Variants in REC8 observed in about 807,000 individuals in gnomAD.
The protein encoded by REC8 is meiotic recombination protein REC8 homolog.
A neutral mutation model predicts 78.3 loss-of-function variants in REC8; 42 were observed. The observed-to-expected ratio is 0.54, with a 90% CI of 0.42 to 0.69. The LOEUF is 0.69. Ranked by LOEUF, REC8 falls within the 30% of genes least tolerant of loss-of-function variation. The pLI is 0.00. For synonymous variants in REC8, 268 were observed against 274.1 expected (o/e 0.98, Z 0.22); for missense variants, 581 against 715.8 (o/e 0.81, Z 2.15).
chr14:24,176,789 G>A (rs773176727), intron 6 of REC8, 33 bp from the exon 7 acceptor site: 8 of 1,531,614 alleles, frequency 5.2e-6, no homozygotes, highest in South Asian at 1.1e-5. Flanking sequence ...TTGGAAAGAA[G>A]CAGAGAGGCT....
In REC8 at chr14:24,175,567, A is replaced by G. The variant is rs2038854281; in HGVS notation, c.487A>G (p.Ile163Val). Residue 163 changes from isoleucine (I) to valine (V), a missense_variant, in exon 6 of 19, where the codon ATC becomes GTC. Transcript: ENST00000611366. The stretch of plus-strand genomic sequence containing the variant: ...GATTCGACACCTCTTAGAGGCTGCA[A>G]TCCCAGAGAGAGTTGAAGAGATCCC... ...PQIRHLLEAA[I>V]PERVEEIPPE... 6.2e-7 allele frequency: 1 copy of G among 1,614,064 alleles called. No individual in the cohort carries two copies. The highest frequency in any genetic ancestry group is 8.5e-7 in the Non-Finnish European group (1 of 1,179,958).
chr14:24,173,079 C>T, intron 3 of REC8, 38 bp downstream of exon 3: 1 of 1,612,028 alleles, frequency 6.2e-7, no homozygotes, highest in Non-Finnish European at 8.5e-7. Flanking sequence ...GCGGGCTGAG[C>T]AGCTGTCTGC....
chr14:24,178,013 C>T, intron 11 of REC8, 78 bp from the exon 12 acceptor site: 15 of 1,549,340 alleles, frequency 9.7e-6, no homozygotes, highest in Non-Finnish European at 1.3e-5. Context: ...GGTGTGGGGT[C>T]CTGTTAGCAG....
At chr14:24,180,720 G>A (rs367762715), downstream of REC8, 6 of 1,614,118 alleles carry the variant, frequency 3.7e-6, no homozygotes, top group Middle Eastern at 5.0e-4. Flanking sequence ...CCAGAATGAG[G>A]CTGCAGATAC....
At chr14:24,179,350 A>G (rs767470197) in intron 15 of REC8, 47 bp from the exon 16 acceptor site, 1 of 1,603,254 alleles carries the variant, frequency 6.2e-7, no homozygotes, top group East Asian at 2.2e-5. Context: ...CAAGGCCCTA[A>G]CTGCCACCCA....
In REC8 at chr14:24,178,129, T is replaced by C. The variant is rs1305111866; in HGVS notation, c.903T>C (p.Arg301=). Residue 301 remains arginine (R), a synonymous_variant, in exon 12 of 19, where the codon CGT becomes CGC. Transcript: ENST00000611366. Reference sequence around the variant, plus strand: ...TCCCCCCACCTCCTCGCCGCCGCCGTCGTCGCCGGTTACTGTTCTGGGACA... The same window carrying C: ...TCCCCCCACCTCCTCGCCGCCGCCGCCGTCGCCGGTTACTGTTCTGGGACA... The part of the protein sequence containing the change: ...PPVPPPPRRR[R]RRRLLFWDKE... 1.2e-6 allele frequency: 2 copies of C among 1,613,818 alleles called. No individual in the cohort carries two copies. The highest frequency in any genetic ancestry group is 1.7e-5 in the Admixed American group (1 of 60,004).
Position 24,177,356 on chromosome 14 carries a change from C to T in REC8, c.710C>T (p.Pro237Leu), listed in dbSNP as rs200534101. The change falls in exon 9 of 19, where the codon CCG (proline) becomes CTG (leucine). Residue 237 changes from proline (P) to leucine (L), a missense_variant. Coordinates refer to ENST00000611366, the MANE Select transcript of REC8 (RefSeq NM_001048205.2). The part of the protein sequence containing the change: ...EEEEAILLEI[P>L]RLPPPAPAEV... ...AACTCTGATTCTCTCTCCACAGTCC[C>T]GCGGCTCCCACCTCCAGCTCCTGCA... The T allele has an allele frequency of 9.5e-5, 153 of 1,614,038 alleles. No individual in the cohort carries two copies. The highest frequency in any genetic ancestry group is 1.6e-4 in the Middle Eastern group (1 of 6,084).
intron 5 of REC8, chr14:24,175,186 A>G (rs2038835802): frequency 5.9e-6 from 1 of 168,734 alleles, no homozygotes; most frequent in African/African-American, 2.4e-5. Context: ...TTGTATTTTT[A>G]GTAGAAATCA....
Position 24,177,555 on chromosome 14 carries a change from A to G in REC8, c.814+14A>G. The G allele has an allele frequency of 6.2e-7, 1 of 1,609,752 alleles. No homozygotes were observed. Among genetic ancestry groups the G allele is most frequent in the South Asian group, 1.1e-5 (1 of 90,784 alleles). ...CCCTACTCATGGGTGAGTGCCCACC[A>G]TGCCCCAGGGGCTTTTCTGGGAGTA... On this transcript the variant is annotated intron_variant, in intron 10 of 18. Transcript: ENST00000611366.
Position 24,180,107 on chromosome 14 carries a change from A to G in REC8, c.*12A>G. 2.5e-6 allele frequency: 4 copies of G among 1,614,114 alleles called. No individual in the cohort carries two copies. Among genetic ancestry groups the G allele is most frequent in the Non-Finnish European group, 3.4e-6 (4 of 1,180,036 alleles). ...CCAGATTCCACTGAGGTTAGAGTCC[A>G]TTTACAAAGCTGCCAGGAAACCGGC... On this transcript the variant is annotated 3_prime_UTR_variant, in exon 19 of 19. Transcript: ENST00000611366.
rs1594405893 is a variant in REC8 at position 24,173,291 on chromosome 14, A to G, written c.342A>G (p.Leu114=). ...CTTCACGGCCTACATTCTCTCCCAGACCCAGCCTGCTGCTTCCTAACCACC... is the reference window on the plus strand; with the variant it reads ...CTTCACGGCCTACATTCTCTCCCAGGCCCAGCCTGCTGCTTCCTAACCACC... The part of the protein sequence containing the change: ...LQIRIDMETE[L]PSLLLPNHLA... Residue 114 remains leucine, a splice_region_variant and synonymous_variant, in exon 5 of 19, where the codon CTA becomes CTG. Coordinates refer to ENST00000611366, the MANE Select transcript of REC8 (RefSeq NM_001048205.2). 1 of 1,614,044 alleles carries G rather than the reference A, an allele frequency of 6.2e-7. No individual in the cohort carries two copies. Among genetic ancestry groups the G allele is most frequent in the Admixed American group, 1.7e-5 (1 of 60,006 alleles).
Position 24,177,464 on chromosome 14 carries a change from G to C in REC8, c.738-1G>C. ...CATTTCTCTTGCCCATTTCCCCTCA[G>C]GGTGGAAGGAATAGGAGAGGCACTG... On this transcript the variant is annotated splice_acceptor_variant, in intron 9 of 18. Transcript: ENST00000611366. LOFTEE classifies it high-confidence loss of function. The C allele has an allele frequency of 6.2e-7, 1 of 1,614,186 alleles. No homozygotes were observed. The highest frequency in any genetic ancestry group is 2.2e-5 in the East Asian group (1 of 44,886).
intron 5 of REC8, among the ~76,000 whole-genome samples, chr14:24,175,062 A>G (rs1167196995): frequency 2.0e-5 from 3 of 149,188 alleles, no homozygotes; most frequent in Non-Finnish European, 4.4e-5. Context: ...GCTGGAGTGC[A>G]GTGGCTCAAT....
chr14:24,173,259 C>T, intron 4 of REC8, 32 bp from the exon 5 acceptor site: 1 of 1,614,124 alleles, frequency 6.2e-7, no homozygotes, highest in East Asian at 2.2e-5. Flanking sequence ...CTGGCTCAGC[C>T]TCAGTCCTTC....
Position 24,177,133 on chromosome 14 carries a change from C to G in REC8, c.625-8C>G. ...AATCCCCTCCCCTTGCTCTTCCTCTCTGGACAGGGTGAACGGGAGCTCCCA... is the reference window on the plus strand; with the variant it reads ...AATCCCCTCCCCTTGCTCTTCCTCTGTGGACAGGGTGAACGGGAGCTCCCA... On this transcript the variant is annotated splice_region_variant and splice_polypyrimidine_tract_variant and intron_variant, in intron 7 of 18. Coordinates refer to ENST00000611366, the MANE Select transcript of REC8 (RefSeq NM_001048205.2). 1 of 1,613,552 alleles carries G rather than the reference C, an allele frequency of 6.2e-7. No individual in the cohort carries two copies. The highest frequency in any genetic ancestry group is 8.5e-7 in the Non-Finnish European group (1 of 1,179,468).
rs1321298522 is a variant in REC8 at position 24,172,959 on chromosome 14, G to A, written c.186G>A (p.Arg62=). 1 of 1,610,022 alleles carries A rather than the reference G, an allele frequency of 6.2e-7. No individual in the cohort carries two copies. The highest frequency in any genetic ancestry group is 1.3e-5 in the African/African-American group (1 of 75,064). The change falls in exon 3 of 19, where the codon CGG becomes CGA. Residue 62 remains arginine (R), a synonymous_variant. Coordinates refer to ENST00000611366, the MANE Select transcript of REC8 (RefSeq NM_001048205.2). The stretch of plus-strand genomic sequence containing the variant: ...AACCCCCGCAGCCCGGCCTGCCGCG[G>A]CCCCGCTTCTCCCTCTATCTCTCAG... ...RVQPPQPGLP[R]PRFSLYLSAQ...
chr14:24,178,940 C>T (rs749859886), intron 14 of REC8, 24 bp downstream of exon 14: 15 of 1,611,544 alleles, frequency 9.3e-6, no homozygotes, highest in Admixed American at 1.7e-5. Context: ...CTGTTTACTG[C>T]ATCGCCCCAG....
intron 7 of REC8, 100 bp downstream of exon 7, chr14:24,177,001 C>G: frequency 7.5e-7 from 1 of 1,333,778 alleles, no homozygotes; most frequent in Non-Finnish European, 1.1e-6. Flanking sequence ...TCCCTATTCT[C>G]TGTCCCTGGC....
rs370939026 is a variant in REC8, at chr14:24,172,217, T to G, written c.-336T>G. ...CACCGTGCTCCCTCGGGACCTGCTCTGGATTCCGGCCCGGACGTCCCCTTG... is the reference window on the plus strand; with the variant it reads ...CACCGTGCTCCCTCGGGACCTGCTCGGGATTCCGGCCCGGACGTCCCCTTG... On this transcript the variant is annotated 5_prime_UTR_variant, in exon 1 of 19. Coordinates refer to ENST00000611366, the MANE Select transcript of REC8 (RefSeq NM_001048205.2). The G allele has an allele frequency of 2.2e-5, 8 of 364,312 alleles. No homozygotes were observed. The highest frequency in any genetic ancestry group is 1.3e-4 in the African/African-American group (6 of 47,988). 22.6% of individuals were successfully genotyped at this position (364,312 alleles called of 1,614,324 possible). A position where few individuals can be genotyped will look rare whatever the true frequency, so the allele number is the denominator to read the frequency against.
Sources: gnomAD v4.1 joint callset for allele counts (sites outside exome capture counted in the v4.1 genomes callset) on GRCh38, gnomAD v4.1.1 for gene constraint, MANE v1.5 for transcripts, NCBI Gene and HGNC (gene_info 2026-07-23, HGNC 2026-07-21) for gene names.